Variants in KANSL1L observed in about 807,000 individuals in gnomAD.
KANSL1L encodes the protein KAT8 regulatory NSL complex subunit 1 like.
In KANSL1L, 25 loss-of-function variants were observed where a neutral mutation model predicts 108.6. The observed-to-expected ratio is 0.23, with a 90% CI of 0.17 to 0.32. KANSL1L has a LOEUF of 0.32. Ranked by LOEUF, KANSL1L falls within the 10% of genes least tolerant of loss-of-function variation. The pLI is 1.00. For synonymous variants in KANSL1L, 405 were observed against 395.1 expected (o/e 1.03, Z -0.30); for missense variants, 1,137 against 1,125.7 (o/e 1.01, Z -0.14).
intron 9 of KANSL1L, 131 bp from the exon 10 acceptor site, chr2:210,030,049 A>G: frequency 6.6e-6 from 3 of 452,520 alleles, no homozygotes; most frequent in Non-Finnish European, 1.2e-5. Flanking sequence ...TGTATTAGAA[A>G]ACAAAAAAGG....
intron 7 of KANSL1L, among the ~76,000 whole-genome samples, chr2:210,041,946 G>T (rs2094168668): frequency 6.6e-6 from 1 of 152,118 alleles, no homozygotes; most frequent in East Asian, 1.9e-4. Flanking sequence ...AAATGAAAAT[G>T]GGAATAAAAA....
rs2093990482 is a variant in KANSL1L at position 210,029,841 on chromosome 2, T to G, written c.2233A>C (p.Asn745His). 1.2e-6 allele frequency: 2 copies of G among 1,606,334 alleles called. No individual in the cohort carries two copies. Among genetic ancestry groups the G allele is most frequent in the East Asian group, 4.5e-5 (2 of 44,694 alleles). ...GSHSNFTAVS[N>H]VNVLSRIQNS... ...TGGATTCTTGATAAAACGTTGACATTGGAAACAGCAGTAAAATTGCTATGG... is the reference window on the plus strand; with the variant it reads ...TGGATTCTTGATAAAACGTTGACATGGGAAACAGCAGTAAAATTGCTATGG... The change falls in exon 10 of 15, where the codon AAT (asparagine) becomes CAT (histidine). Residue 745 changes from asparagine (N) to histidine (H), a missense_variant. Asn to His is a moderately conservative substitution (Grantham distance 68). This residue lies in a region of KANSL1L where 575 missense variants were observed against 567.1 expected (regional missense o/e 1.01). Coordinates refer to ENST00000281772, the MANE Select transcript of KANSL1L (RefSeq NM_152519.4).
At chr2:210,134,750 A>G (rs1227780397) in intron 2 of KANSL1L, among the ~76,000 whole-genome samples, 1 of 152,146 alleles carries the variant, frequency 6.6e-6, no homozygotes, top group Non-Finnish European at 1.5e-5. Context: ...GTATTTTCAC[A>G]TATAACTGAC....
chr2:210,123,989 A>T (rs1054411709), intron 3 of KANSL1L, among the ~76,000 whole-genome samples: 3 of 152,298 alleles, frequency 2.0e-5, no homozygotes, highest in South Asian at 2.1e-4. Flanking sequence ...CTAATAAGAG[A>T]CAATTAAAAC....
At chr2:210,063,338 G>A (rs187323974) in intron 6 of KANSL1L, among the ~76,000 whole-genome samples, 8 of 152,364 alleles carry the variant, frequency 5.3e-5, no homozygotes, top group Non-Finnish European at 5.9e-5. Flanking sequence ...GGGGAGTGCA[G>A]AAGGGAAATG....
At chr2:210,110,231 C>T (rs373765939) in intron 3 of KANSL1L, among the ~76,000 whole-genome samples, 3 of 152,212 alleles carry the variant, frequency 2.0e-5, no homozygotes, top group Admixed American at 1.3e-4. Context: ...GGAAAATCCA[C>T]ATTCTTAATC....
In KANSL1L at chr2:210,171,409, T is replaced by C. The variant is rs1688332639; in HGVS notation, c.-290A>G. 1 of 158,942 alleles carries C rather than the reference T, an allele frequency of 6.3e-6. No individual in the cohort carries two copies. The highest frequency in any genetic ancestry group is 1.8e-4 in the East Asian group (1 of 5,700). The allele number at this position is 158,942 out of a possible 1,614,324, so 9.8% of individuals were successfully genotyped here. On this transcript the variant is annotated 5_prime_UTR_variant, in exon 1 of 15. Transcript: ENST00000281772. ...GGGGGGACGGAACCCTGCCGCGGTC[T>C]GGGAGCAGTGGGCGGGGCCCGGCGC...
chr2:210,116,735 G>A (rs1270198779), intron 3 of KANSL1L, among the ~76,000 whole-genome samples: 1 of 152,120 alleles, frequency 6.6e-6, no homozygotes, highest in Non-Finnish European at 1.5e-5. Flanking sequence ...AACACCCAAG[G>A]GTGTTTCAAT....
At chr2:210,120,590 C>T (rs1343287623) in intron 3 of KANSL1L, among the ~76,000 whole-genome samples, 5 of 152,008 alleles carry the variant, frequency 3.3e-5, no homozygotes, top group Admixed American at 1.3e-4. Context: ...GCACAGGCAA[C>T]GATTTCATGA....
chr2:210,081,930 A>C (rs1343794803), intron 5 of KANSL1L, among the ~76,000 whole-genome samples: 1 of 152,142 alleles, frequency 6.6e-6, no homozygotes, highest in African/African-American at 2.4e-5. Flanking sequence ...TTGGTTTACA[A>C]AGTTAGGGTT....
At chr2:210,024,252 G>C (rs772814257) in intron 13 of KANSL1L, 51 bp from the exon 14 acceptor site, 1 of 1,404,362 alleles carries the variant, frequency 7.1e-7, no homozygotes, top group Non-Finnish European at 9.6e-7. Context: ...TTGAGGTCTT[G>C]AAAATTTATG....
At position 210,027,289 on chromosome 2, in the gene KANSL1L, A is replaced by AAGC. The variant is rs2093951394; in HGVS notation, c.2451+6_2451+7insGCT. On this transcript the variant is annotated splice_region_variant and intron_variant, in intron 12 of 14. Coordinates refer to ENST00000281772, the MANE Select transcript of KANSL1L (RefSeq NM_152519.4). Reference sequence around the variant, plus strand: ...GCAATTATCCCATTAAATGAAAGGCAGCTTACCTCTTCTTTGCCTAAATTA... The same window carrying AAGC: ...GCAATTATCCCATTAAATGAAAGGCAAGCGCTTACCTCTTCTTTGCCTAAATTA... The AAGC allele has an allele frequency of 6.3e-7, 1 of 1,589,528 alleles. No individual in the cohort carries two copies. The highest frequency in any genetic ancestry group is 8.6e-7 in the Non-Finnish European group (1 of 1,157,708).
At position 210,025,042 on chromosome 2, in the gene KANSL1L, T is replaced by C. The variant is rs933303499; in HGVS notation, c.2564+62A>G. On this transcript the variant is annotated intron_variant, in intron 13 of 14. Coordinates refer to ENST00000281772, the MANE Select transcript of KANSL1L (RefSeq NM_152519.4). The stretch of plus-strand genomic sequence containing the variant: ...TTTTACTGGTCTCACCCAAAATTCA[T>C]GCAGAGGTTTTGTTCATTTCACATG... 236 of 1,044,238 alleles carry C rather than the reference T, an allele frequency of 2.3e-4. 3 individuals are homozygous for C. The Admixed American group carries it at 3.8e-3, about 17-fold the overall frequency. 64.7% of individuals were successfully genotyped at this position (1,044,238 alleles called of 1,614,324 possible). A position where few individuals can be genotyped will look rare whatever the true frequency, so the allele number is the denominator to read the frequency against.
At chr2:210,073,514 A>G (rs932523289) in intron 6 of KANSL1L, among the ~76,000 whole-genome samples, 1 of 151,758 alleles carries the variant, frequency 6.6e-6, no homozygotes, top group Non-Finnish European at 1.5e-5. Flanking sequence ...TGGGCAACAT[A>G]GCGAGATGTC....
intron 6 of KANSL1L, among the ~76,000 whole-genome samples, chr2:210,045,532 C>G (rs2094214331): frequency 6.6e-6 from 1 of 152,058 alleles, no homozygotes; most frequent in South Asian, 2.1e-4. Flanking sequence ...ATGAATACCA[C>G]CCATATATTT....
chr2:210,104,020 C>T (rs537065778), intron 4 of KANSL1L, 84 bp downstream of exon 4: 39 of 1,042,614 alleles, frequency 3.7e-5, no homozygotes, highest in African/African-American at 3.6e-4. Context: ...CAGGAAGATA[C>T]ACATATAATG....
Position 210,075,680 on chromosome 2 carries a change from T to C in KANSL1L, c.1627A>G (p.Lys543Glu), listed in dbSNP as rs765419203. Residue 543 changes from lysine to glutamate, a missense_variant, in exon 6 of 15, where the codon AAA becomes GAA. Transcript: ENST00000281772. ...LNQKHSKKKRKDRTRLKSSSL... is the reference protein window; with the variant it reads ...LNQKHSKKKREDRTRLKSSSL... The stretch of plus-strand genomic sequence containing the variant: ...GAAGATTTCAGTCTTGTCCTGTCTT[T>C]TCTCTTTTTCTTACTGTGCTTCTGG... 6.2e-7 allele frequency: 1 copy of C among 1,614,060 alleles called. No homozygotes were observed. The highest frequency in any genetic ancestry group is 1.1e-5 in the South Asian group (1 of 91,074).
Position 210,044,192 on chromosome 2 carries a change from A to T in KANSL1L, c.1756-88T>A, listed in dbSNP as rs1483681647. 1 of 914,890 alleles carries T rather than the reference A, an allele frequency of 1.1e-6. No homozygotes were observed. Among genetic ancestry groups the T allele is most frequent in the African/African-American group, 1.7e-5 (1 of 57,900 alleles). 56.7% of individuals were successfully genotyped at this position (914,890 alleles called of 1,614,324 possible). A position where few individuals can be genotyped will look rare whatever the true frequency, so the allele number is the denominator to read the frequency against. On this transcript the variant is annotated intron_variant, in intron 6 of 14. Transcript: ENST00000281772. This position sits in a 1 kb window ranked among gnomAD's most constrained non-coding sequence, Gnocchi z 4.2. Reference sequence around the variant, plus strand: ...ATTTATTTAGGTTATCTTTAAATAAAATTTTCCAGTTCTACAAAAAGTTTT... The same window carrying T: ...ATTTATTTAGGTTATCTTTAAATAATATTTTCCAGTTCTACAAAAAGTTTT...
At chr2:210,028,620 A>G (rs989033652) in intron 11 of KANSL1L, 1 of 391,426 alleles carries the variant, frequency 2.6e-6, no homozygotes, top group African/African-American at 2.1e-5. Context: ...TAAGAATGCT[A>G]AAGTAGTCTA....
Sources: allele counts gnomAD v4.1 joint callset (sites outside exome capture counted in the v4.1 genomes callset), GRCh38; gene constraint gnomAD v4.1.1; regional missense constraint gnomAD v4.1.1; non-coding constraint Gnocchi (gnomAD v3.1); transcripts MANE v1.5; gene names NCBI Gene and HGNC (gene_info 2026-07-23, HGNC 2026-07-21).